Variants in RNFT2 observed in about 807,000 individuals in gnomAD.
The protein encoded by RNFT2 is ring finger protein, transmembrane 2, also known as E3 ubiquitin-protein ligase RNFT2.
Under a neutral mutation model 53.0 loss-of-function variants are expected in RNFT2, and 36 were observed. The observed-to-expected ratio is 0.68, with a 90% CI of 0.52 to 0.90. The LOEUF is 0.90. RNFT2 is among the 40% of genes least tolerant of loss of function. RNFT2 has a pLI of 0.00. For missense variants in RNFT2, 514 were observed against 585.6 expected (o/e 0.88, Z 1.26); for synonymous variants, 260 against 253.2 (o/e 1.03, Z -0.26).
intron 7 of RNFT2, among the ~76,000 whole-genome samples, chr12:116,816,908 C>G (rs1368099072): frequency 6.6e-6 from 1 of 152,222 alleles, no homozygotes; most frequent in African/African-American, 2.4e-5. Context: ...GTGTATATCT[C>G]CTGGGTTCCA....
rs985354666 is a variant in RNFT2 at position 116,853,310 on chromosome 12, A to T, written c.*3862A>T. The T allele has an allele frequency of 5.0e-6, 2 of 397,978 alleles. No individual in the cohort carries two copies. The highest frequency in any genetic ancestry group is 4.1e-5 in the African/African-American group (2 of 48,574). The allele number at this position is 397,978 out of a possible 1,614,324, so 24.7% of individuals were successfully genotyped here. Reference sequence around the variant, plus strand: ...AGTATCCTGCCCTTATTATTTTATGATTCACTGACTCAAGTTCCACGAAGT... The same window carrying T: ...AGTATCCTGCCCTTATTATTTTATGTTTCACTGACTCAAGTTCCACGAAGT... On this transcript the variant is annotated 3_prime_UTR_variant, in exon 11 of 11. Transcript: ENST00000257575.
intron 7 of RNFT2, among the ~76,000 whole-genome samples, chr12:116,798,433 T>C (rs1874611625): frequency 6.6e-6 from 1 of 152,202 alleles, no homozygotes; most frequent in Non-Finnish European, 1.5e-5. Flanking sequence ...AGATTGCCTG[T>C]GTTCAAATCC....
At chr12:116,840,652 A>AAT (rs949941591) in intron 10 of RNFT2, among the ~76,000 whole-genome samples, 91 of 152,324 alleles carry the variant, frequency 6.0e-4, no homozygotes, top group African/African-American at 2.1e-3. Flanking sequence ...GAGCACCAAC[A>AAT]ATATCCTAGG....
intron 7 of RNFT2, among the ~76,000 whole-genome samples, chr12:116,802,082 A>G (rs908040467): frequency 6.6e-6 from 1 of 152,228 alleles, no homozygotes; most frequent in African/African-American, 2.4e-5. Context: ...TTGGCCTCCC[A>G]AAGTGGTGAC....
chr12:116,758,355 C>G (rs1300595172), intron 5 of RNFT2, among the ~76,000 whole-genome samples: 2 of 152,186 alleles, frequency 1.3e-5, no homozygotes, highest in African/African-American at 4.8e-5. Flanking sequence ...CCATTGCATT[C>G]ATCATGCTCT....
chr12:116,761,677 G>A (rs1412764930), intron 5 of RNFT2, among the ~76,000 whole-genome samples: 2 of 152,170 alleles, frequency 1.3e-5, no homozygotes, highest in Non-Finnish European at 2.9e-5. Flanking sequence ...GGAAACAGTG[G>A]CTCAGAGACA....
chr12:116,836,069 G>C (rs1000117920), intron 9 of RNFT2, 44 bp downstream of exon 9: 33 of 1,611,796 alleles, frequency 2.0e-5, no homozygotes, highest in Non-Finnish European at 2.6e-5. Context: ...CTGAGAATCA[G>C]GAACTGGAAA....
chr12:116,836,352 G>A (rs1876971932), intron 10 of RNFT2, 70 bp downstream of exon 10: 1 of 1,292,348 alleles, frequency 7.7e-7, no homozygotes, highest in Non-Finnish European at 1.1e-6. Flanking sequence ...CCCATGGGCA[G>A]TCCTCGGGTC....
At chr12:116,811,386 C>CT (rs1875365822) in intron 7 of RNFT2, among the ~76,000 whole-genome samples, 2 of 147,228 alleles carry the variant, frequency 1.4e-5, no homozygotes, top group Non-Finnish European at 1.5e-5. Flanking sequence ...TTTTTTTTTC[C>CT]TTTTTTTGAG....
chr12:116,747,505 C>CT (rs1471617605), intron 3 of RNFT2, among the ~76,000 whole-genome samples: 1 of 151,946 alleles, frequency 6.6e-6, no homozygotes, highest in Non-Finnish European at 1.5e-5. Flanking sequence ...CCAGCCTGGG[C>CT]AACAGAGTGA....
intron 7 of RNFT2, among the ~76,000 whole-genome samples, chr12:116,780,726 A>C (rs892988692): frequency 6.6e-6 from 1 of 151,744 alleles, no homozygotes; most frequent in African/African-American, 2.4e-5. Context: ...CAACAGGCCT[A>C]GGGAAGTCCT....
intron 7 of RNFT2, among the ~76,000 whole-genome samples, chr12:116,814,418 G>A (rs565263101): frequency 6.6e-6 from 1 of 152,132 alleles, no homozygotes; most frequent in Admixed American, 6.5e-5. Context: ...AGACAGTGGT[G>A]GGGGGTAGGG....
intron 2 of RNFT2, 185 bp downstream of exon 2, chr12:116,740,706 T>C (rs139436315): frequency 6.9e-4 from 458 of 660,424 alleles, no homozygotes; most frequent in African/African-American, 4.1e-3. Context: ...CCAGAATCCA[T>C]GTCTCCTGCC....
intron 8 of RNFT2, among the ~76,000 whole-genome samples, chr12:116,834,362 G>A (rs1033310284): frequency 2.0e-5 from 3 of 151,948 alleles, no homozygotes; most frequent in African/African-American, 7.3e-5. Context: ...CAAGTGATCT[G>A]CCCACCTCTG....
intron 4 of RNFT2, among the ~76,000 whole-genome samples, chr12:116,752,980 A>G (rs190765531): frequency 6.2e-4 from 95 of 152,310 alleles, no homozygotes; most frequent in African/African-American, 2.2e-3. Flanking sequence ...CCAAGATTGT[A>G]GCTTGGCAAA....
At chr12:116,748,290 C>T (rs955753878) in intron 3 of RNFT2, among the ~76,000 whole-genome samples, 7 of 152,174 alleles carry the variant, frequency 4.6e-5, no homozygotes, top group African/African-American at 1.7e-4. Flanking sequence ...CTGGGCTCTC[C>T]ATTCCTGCAG....
At chr12:116,790,552 A>G (rs1874186372) in intron 7 of RNFT2, among the ~76,000 whole-genome samples, 1 of 152,258 alleles carries the variant, frequency 6.6e-6, no homozygotes, top group Admixed American at 6.5e-5. Context: ...CCAGCCTTTC[A>G]CATGGGCAGG....
intron 7 of RNFT2, among the ~76,000 whole-genome samples, chr12:116,811,396 G>A (rs1201027387): frequency 6.7e-6 from 1 of 148,974 alleles, no homozygotes; most frequent in Non-Finnish European, 1.5e-5. Context: ...CTTTTTTTGA[G>A]ACAGAGTCTC....
chr12:116,819,391 A>G (rs982833729), intron 7 of RNFT2, among the ~76,000 whole-genome samples: 5 of 152,026 alleles, frequency 3.3e-5, no homozygotes, highest in African/African-American at 1.2e-4. Context: ...CGGCGCGCAG[A>G]GCGGGGCGGC....
Sources: allele counts gnomAD v4.1 joint callset (sites outside exome capture counted in the v4.1 genomes callset), GRCh38; gene constraint gnomAD v4.1.1; transcripts MANE v1.5; gene names NCBI Gene and HGNC (gene_info 2026-07-23, HGNC 2026-07-21).